The following CGNL1 variants were observed in gnomAD, a reference collection of about 807,000 sequenced individuals.
CGNL1 encodes the protein cingulin-like protein 1.
Under a neutral mutation model 141.2 loss-of-function variants are expected in CGNL1, and 132 were observed. That is an observed-to-expected ratio of 0.93 (90% CI 0.81 to 1.08). The LOEUF (loss-of-function observed/expected upper bound fraction) is 1.08, where lower values mean the gene tolerates loss of function less well. Ranked by LOEUF, CGNL1 falls within the 50% of genes least tolerant of loss-of-function variation. The pLI is 0.00. For synonymous variants in CGNL1, 690 were observed against 622.1 expected (o/e 1.11, Z -1.63); for missense variants, 1,870 against 1,588.6 (o/e 1.18, Z -3.01).
chr15:57,442,692 C>G (rs1290742339), intron 4 of CGNL1, among the ~76,000 whole-genome samples: 3 of 152,114 alleles, frequency 2.0e-5, no homozygotes, highest in Admixed American at 6.6e-5. Context: ...GATCTTGGCT[C>G]ACTGCAACCT....
chr15:57,494,097 T>TA (rs1361820948), intron 8 of CGNL1, among the ~76,000 whole-genome samples: 1 of 152,194 alleles, frequency 6.6e-6, no homozygotes, highest in Non-Finnish European at 1.5e-5. Context: ...GAAAATCACT[T>TA]AAAAAATAAA....
rs186219423 is a variant in CGNL1, at chr15:57,421,144, G to A, written c.-15-16841G>A. Among the ~76,000 whole-genome samples, 264 of 152,300 alleles carry A rather than the reference G, an allele frequency of 1.7e-3. 2 individuals carry two copies. The highest frequency in any genetic ancestry group is 5.8e-3 in the African/African-American group (242 of 41,564). The stretch of plus-strand genomic sequence containing the variant: ...TGTGTGCTCTTACCAAGGAAAGGCC[G>A]TGTGAGAACATAGCAAGAAGACAGC... On this transcript the variant is annotated intron_variant, in intron 1 of 18. Transcript: ENST00000281282.
chr15:57,502,408 C>G (rs8038947), intron 8 of CGNL1, among the ~76,000 whole-genome samples: 152,151 of 152,306 alleles, frequency 1, 75,998 homozygotes, highest in Middle Eastern at 1. Flanking sequence ...TTATCTTCCA[C>G]AGATATGGGG....
intron 1 of CGNL1, among the ~76,000 whole-genome samples, chr15:57,426,881 C>A (rs1388971401): frequency 6.6e-6 from 1 of 151,982 alleles, no homozygotes; most frequent in Admixed American, 6.6e-5. Context: ...GCTAACAGAG[C>A]CATCTATATA....
At chr15:57,391,418 C>G (rs190033208) in intron 1 of CGNL1, among the ~76,000 whole-genome samples, 2 of 152,310 alleles carry the variant, frequency 1.3e-5, no homozygotes, top group East Asian at 1.9e-4. Context: ...AGAAAAGGCT[C>G]TAGCCACTTG....
intron 14 of CGNL1, among the ~76,000 whole-genome samples, chr15:57,533,140 C>T (rs1211343148): frequency 6.6e-6 from 1 of 152,152 alleles, no homozygotes; most frequent in Non-Finnish European, 1.5e-5. Flanking sequence ...TACTCATGCT[C>T]CTTTGCTCCT....
chr15:57,474,378 G>C (rs1400352942), intron 8 of CGNL1, among the ~76,000 whole-genome samples: 2 of 152,154 alleles, frequency 1.3e-5, no homozygotes, highest in African/African-American at 4.8e-5. Flanking sequence ...ACTGGCTCTA[G>C]CAGAACCCAC....
chr15:57,502,828 C>T (rs1192299904), intron 8 of CGNL1, among the ~76,000 whole-genome samples: 1 of 152,176 alleles, frequency 6.6e-6, no homozygotes, highest in Non-Finnish European at 1.5e-5. Context: ...GGATTCTCTT[C>T]TCTGACATTT....
In CGNL1 at chr15:57,442,427, A is replaced by G. The variant is rs1184791521; in HGVS notation, c.1752A>G (p.Lys584=). Residue 584 remains lysine (K), a synonymous_variant, in exon 4 of 19, where the codon AAA becomes AAG. Transcript: ENST00000281282. The part of the protein sequence containing the change: ...TKRKVNLVFE[K]IQTLKSRAAG... ...GGAAAGTCAACTTGGTCTTTGAGAA[A>G]ATCCAGACCTTAAAGTCTCGAGCAG... 2 of 1,613,870 alleles carry G rather than the reference A, an allele frequency of 1.2e-6. No individual in the cohort carries two copies. The highest frequency in any genetic ancestry group is 4.5e-5 in the East Asian group (2 of 44,870).
chr15:57,415,017 C>T (rs1370121541), intron 1 of CGNL1, among the ~76,000 whole-genome samples: 6 of 152,146 alleles, frequency 3.9e-5, no homozygotes, highest in South Asian at 2.1e-4. Flanking sequence ...GGGCATTTCA[C>T]GGAGCAGATG....
intron 8 of CGNL1, among the ~76,000 whole-genome samples, chr15:57,481,270 C>A (rs933767370): frequency 5.9e-5 from 9 of 152,030 alleles, no homozygotes; most frequent in Non-Finnish European, 1.3e-4. Flanking sequence ...GACATTGATA[C>A]AGCTGAGATA....
intron 8 of CGNL1, among the ~76,000 whole-genome samples, chr15:57,466,957 C>T (rs1359872707): frequency 6.6e-6 from 1 of 152,094 alleles, no homozygotes; most frequent in East Asian, 1.9e-4. Context: ...GTCCAACATA[C>T]AGCAGTTATG....
chr15:57,467,338 G>A (rs60826882), intron 8 of CGNL1, among the ~76,000 whole-genome samples: 1 of 152,298 alleles, frequency 6.6e-6, no homozygotes, highest in African/African-American at 2.4e-5. Flanking sequence ...TTAGGGAGGG[G>A]ACAGTATTTG....
chr15:57,514,062 T>G (rs1472168696), intron 8 of CGNL1, among the ~76,000 whole-genome samples: 1 of 152,238 alleles, frequency 6.6e-6, no homozygotes, highest in African/African-American at 2.4e-5. Context: ...ATTATGGTTT[T>G]AATTTGCATT....
chr15:57,544,674 T>C, intron 16 of CGNL1, 77 bp downstream of exon 16: 1 of 1,518,232 alleles, frequency 6.6e-7, no homozygotes, highest in Middle Eastern at 2.1e-4. Context: ...TTGTCACATT[T>C]GGGATCTGTC....
chr15:57,453,166 A>T (rs2063340957), intron 6 of CGNL1, among the ~76,000 whole-genome samples: 1 of 152,146 alleles, frequency 6.6e-6, no homozygotes, highest in Non-Finnish European at 1.5e-5. Flanking sequence ...TCTGTTGCAC[A>T]TACTCAGCTC....
At chr15:57,493,315 AGGCAAGGAGATTT>A (rs2063892340) in intron 8 of CGNL1, among the ~76,000 whole-genome samples, 2 of 152,184 alleles carry the variant, frequency 1.3e-5, no homozygotes, top group African/African-American at 4.8e-5. Flanking sequence ...CAGGGTTACT[AGGCAAGGAGATTT>A]GGGCCACAGA....
chr15:57,517,828 A>G (rs762433981), intron 9 of CGNL1, among the ~76,000 whole-genome samples: 2 of 152,134 alleles, frequency 1.3e-5, no homozygotes, highest in Admixed American at 6.5e-5. Flanking sequence ...TTTTCATATC[A>G]TTACAATGGC....
chr15:57,444,861 A>G (rs1322141955), intron 4 of CGNL1, among the ~76,000 whole-genome samples: 1 of 152,182 alleles, frequency 6.6e-6, no homozygotes, highest in Non-Finnish European at 1.5e-5. Context: ...GGGATGGGTT[A>G]CCATTGTTGG....
Sources: allele counts gnomAD v4.1 joint callset (sites outside exome capture counted in the v4.1 genomes callset), GRCh38; gene constraint gnomAD v4.1.1; transcripts MANE v1.5; gene names NCBI Gene and HGNC (gene_info 2026-07-23, HGNC 2026-07-21).